The following RTL4 variants were observed in gnomAD, a reference collection of about 807,000 sequenced individuals.
RTL4 encodes the protein retrotransposon Gag-like protein 4.
In RTL4, 4 loss-of-function variants were observed where a neutral mutation model predicts 5.3. That is an observed-to-expected ratio of 0.75 (90% CI 0.37 to 1.72). The LOEUF (loss-of-function observed/expected upper bound fraction) is 1.72. Among genes scored for constraint, RTL4 ranks in the 40% most tolerant of loss-of-function variants. The probability of loss-of-function intolerance (pLI) is 0.04; values close to 1 mark genes in which losing one functional copy is unlikely to be tolerated. For missense variants in RTL4, 260 were observed against 227.1 expected (o/e 1.14, Z -0.93); for synonymous variants, 98 against 87.3 (o/e 1.12, Z -0.68).
chrX:112,109,314 C>A, the RTL4 span, among the ~76,000 whole-genome samples: 1 of 111,679 alleles, frequency 9.0e-6, no homozygotes, highest in Non-Finnish European at 1.9e-5. Flanking sequence ...TGGTGAGTGT[C>A]ACAGCTCTTA....
At chrX:112,290,130 G>C in the RTL4 span, among the ~76,000 whole-genome samples, 1 of 111,855 alleles carries the variant, frequency 8.9e-6, no homozygotes, top group South Asian at 3.7e-4. Flanking sequence ...AGTTTGTAGA[G>C]TTTTAGAAAT....
the RTL4 span, among the ~76,000 whole-genome samples, chrX:112,353,035 C>A: frequency 5.4e-5 from 6 of 111,791 alleles, no homozygotes; most frequent in Admixed American, 5.7e-4. Flanking sequence ...TATGAACAGA[C>A]GCTTCTCAAA....
chrX:112,358,598 G>A, the RTL4 span, among the ~76,000 whole-genome samples: 14 of 111,175 alleles, frequency 1.3e-4, no homozygotes, highest in African/African-American at 4.2e-4. Flanking sequence ...CAACCCAGTC[G>A]CTCTACATCT....
chrX:112,252,488 T>G, the RTL4 span, among the ~76,000 whole-genome samples: 2 of 111,897 alleles, frequency 1.8e-5, no homozygotes, highest in African/African-American at 6.5e-5. Context: ...AGAGACAGAT[T>G]GTATATGCAT....
At chrX:112,115,792 A>G in the RTL4 span, among the ~76,000 whole-genome samples, 2 of 112,395 alleles carry the variant, frequency 1.8e-5, no homozygotes, top group South Asian at 3.7e-4. Context: ...AGTGGTTTTT[A>G]GAAGCGGGAC....
the RTL4 span, among the ~76,000 whole-genome samples, chrX:112,130,381 A>G: frequency 9.1e-6 from 1 of 109,776 alleles, no homozygotes; most frequent in African/African-American, 3.3e-5. Flanking sequence ...TGGTAGGCCA[A>G]CTTGCCAGCT....
At chrX:112,356,581 T>G in the RTL4 span, among the ~76,000 whole-genome samples, 2,306 of 61,951 alleles carry the variant, frequency 0.037, 43 homozygotes, top group African/African-American at 0.14. Flanking sequence ...TGTTTTGGGG[T>G]GTGTGTGTGT....
chrX:112,326,585 G>A, the RTL4 span, among the ~76,000 whole-genome samples: 6 of 111,782 alleles, frequency 5.4e-5, no homozygotes, highest in East Asian at 8.5e-4. Flanking sequence ...GGGGAGGGGC[G>A]CCCACCATTG....
chrX:112,342,142 A>C, the RTL4 span, among the ~76,000 whole-genome samples: 1 of 111,593 alleles, frequency 9.0e-6, no homozygotes, highest in African/African-American at 3.3e-5. Context: ...TCGTGTTGGC[A>C]GACACCTACT....
At chrX:112,184,403 C>A in the RTL4 span, among the ~76,000 whole-genome samples, 2 of 111,757 alleles carry the variant, frequency 1.8e-5, no homozygotes, top group African/African-American at 6.5e-5. Flanking sequence ...ATTCAAACTG[C>A]AAAACAACAG....
chrX:112,127,298 T>A, the RTL4 span, among the ~76,000 whole-genome samples: 1 of 110,665 alleles, frequency 9.0e-6, no homozygotes, highest in Non-Finnish European at 1.9e-5. Context: ...TACACCAAAT[T>A]AATAGAATGA....
the RTL4 span, among the ~76,000 whole-genome samples, chrX:112,379,568 A>G: frequency 8.9e-6 from 1 of 112,251 alleles, no homozygotes; most frequent in Non-Finnish European, 1.9e-5. Context: ...AGGGGGTAAT[A>G]GCAAACCTCT....
At chrX:112,416,962 G>A in the RTL4 span, among the ~76,000 whole-genome samples, 2 of 111,695 alleles carry the variant, frequency 1.8e-5, no homozygotes, top group Admixed American at 1.9e-4. Flanking sequence ...AATGATGAAA[G>A]GCAAGCCATA....
chrX:112,328,869 C>G, the RTL4 span, among the ~76,000 whole-genome samples: 6 of 111,849 alleles, frequency 5.4e-5, no homozygotes, highest in Non-Finnish European at 9.4e-5. Flanking sequence ...CAAAACTGCT[C>G]AACTACATGG....
chrX:112,234,577 G>A, the RTL4 span, among the ~76,000 whole-genome samples: 1 of 112,044 alleles, frequency 8.9e-6, no homozygotes, highest in Non-Finnish European at 1.9e-5. Flanking sequence ...ACTTTCACAG[G>A]TTGTACTTGG....
chrX:112,375,744 G>A, the RTL4 span, among the ~76,000 whole-genome samples: 1 of 111,328 alleles, frequency 9.0e-6, no homozygotes, highest in Non-Finnish European at 1.9e-5. Flanking sequence ...ATGCTTCTGT[G>A]GGGAGTGATG....
the RTL4 span, among the ~76,000 whole-genome samples, chrX:112,386,602 A>G: frequency 0.19 from 20,598 of 110,020 alleles, 1,532 homozygotes; most frequent in Admixed American, 0.31. Context: ...GAGAACATAC[A>G]ATGTTTGCTG....
chrX:112,295,966 T>C, the RTL4 span, among the ~76,000 whole-genome samples: 1 of 112,317 alleles, frequency 8.9e-6, no homozygotes, highest in African/African-American at 3.2e-5. Flanking sequence ...AAAATATTGC[T>C]GAAATATATT....
the RTL4 span, among the ~76,000 whole-genome samples, chrX:112,288,118 T>G: frequency 1.3e-4 from 15 of 112,111 alleles, no homozygotes; most frequent in Non-Finnish European, 1.9e-4. Flanking sequence ...TAAGGCTCAT[T>G]CTCATGGCTG....
Sources: gnomAD v4.1 joint callset for allele counts (sites outside exome capture counted in the v4.1 genomes callset) on GRCh38, gnomAD v4.1.1 for gene constraint, MANE v1.5 for transcripts, NCBI Gene and HGNC (gene_info 2026-07-23, HGNC 2026-07-21) for gene names.